Variants in RYR2 observed in about 807,000 individuals in gnomAD.
The protein encoded by RYR2 is cardiac muscle ryanodine receptor-calcium release channel.
RYR2 carries 227 observed loss-of-function variants against 601.1 expected under a neutral mutation model. The ratio of observed to expected loss-of-function variants is 0.38; its 90% CI spans 0.34 to 0.42. The LOEUF is 0.42. RYR2 is among the 10% of genes least tolerant of loss of function. The probability of loss-of-function intolerance (pLI) is 1.00; values close to 1 mark genes in which losing one functional copy is unlikely to be tolerated. For synonymous variants in RYR2, 2,223 were observed against 2,175.1 expected (o/e 1.02, Z -0.61); for missense variants, 4,646 against 6,156.5 (o/e 0.75, Z 8.21).
chr1:237,638,275 G>A, intron 44 of RYR2, 82 bp from the exon 45 acceptor site: 1 of 1,572,312 alleles, frequency 6.4e-7, no homozygotes. Context: ...ATCCTTTAAG[G>A]ATGTCATTTA....
intron 95 of RYR2, among the ~76,000 whole-genome samples, chr1:237,794,356 A>T (rs1313606400): frequency 6.6e-6 from 1 of 152,208 alleles, no homozygotes; most frequent in Admixed American, 6.5e-5. Flanking sequence ...TTAACGAAAA[A>T]GTTGTAGCAT....
At chr1:237,402,392 A>AG (rs1382980551) in intron 10 of RYR2, among the ~76,000 whole-genome samples, 10 of 149,384 alleles carry the variant, frequency 6.7e-5, no homozygotes, top group African/African-American at 2.2e-4. Context: ...ATCTCTTAAA[A>AG]AAAAAAGAAA....
chr1:237,408,654 C>T (rs1704145710), intron 10 of RYR2, among the ~76,000 whole-genome samples: 1 of 151,918 alleles, frequency 6.6e-6, no homozygotes, highest in Non-Finnish European at 1.5e-5. Context: ...ATTGTGTTGG[C>T]TCTTCTATGT....
At position 237,418,522 on chromosome 1, in the gene RYR2, A is replaced by G. The variant is rs536126962; in HGVS notation, c.848+1399A>G. 7.9e-5 allele frequency among the ~76,000 whole-genome samples: 12 copies of G among 152,292 alleles called. No homozygotes were observed. In the South Asian group the frequency reaches 2.5e-3, roughly 32 times the overall value. On this transcript the variant is annotated intron_variant, in intron 11 of 104. Transcript: ENST00000366574. ...AGAAATCCTTTCATTATCAGTTTAG[A>G]TGCATAGAATATAACTTCCAGTGTA...
intron 35 of RYR2, among the ~76,000 whole-genome samples, chr1:237,602,965 T>C (rs1169834959): frequency 6.6e-6 from 1 of 152,128 alleles, no homozygotes; most frequent in Non-Finnish European, 1.5e-5. Context: ...GAAGTCAGAA[T>C]GAAAAATGAT....
In RYR2 at chr1:237,648,613, G is replaced by A. The variant is rs1682411061; in HGVS notation, c.7512G>A (p.Thr2504=). 3 of 1,606,890 alleles carry A rather than the reference G, an allele frequency of 1.9e-6. No homozygotes were observed. The highest frequency in any genetic ancestry group is 1.7e-4 in the Middle Eastern group (1 of 6,050). Residue 2504 remains threonine, a splice_region_variant and synonymous_variant, in exon 49 of 105, where the codon ACG becomes ACA. Transcript: ENST00000366574. ...PDLRAAASLD[T]AALSATDMAL... Reference sequence around the variant, plus strand: ...TCCGGGCGGCTGCTTCTTTAGATACGGTGAGATTGGAGCGATGGACTTCCT... The same window carrying A: ...TCCGGGCGGCTGCTTCTTTAGATACAGTGAGATTGGAGCGATGGACTTCCT...
chr1:237,649,817 C>A, intron 49 of RYR2, 60 bp from the exon 50 acceptor site: 2 of 1,419,660 alleles, frequency 1.4e-6, no homozygotes, highest in East Asian at 2.3e-5. Context: ...CATGTTAATC[C>A]CTTTGAAGAT....
At chr1:237,052,180 G>A (rs1221404440) in intron 1 of RYR2, among the ~76,000 whole-genome samples, 1 of 152,146 alleles carries the variant, frequency 6.6e-6, no homozygotes, top group African/African-American at 2.4e-5. Flanking sequence ...TACCATGAAG[G>A]TGGAAGCCAT....
At chr1:237,480,821 T>A (rs546526151) in intron 17 of RYR2, among the ~76,000 whole-genome samples, 26 of 152,308 alleles carry the variant, frequency 1.7e-4, no homozygotes, top group African/African-American at 6.0e-4. Flanking sequence ...TCCCTCATTC[T>A]GTATATGGAT....
chr1:237,062,652 A>G (rs1380794994), intron 1 of RYR2, among the ~76,000 whole-genome samples: 2 of 152,134 alleles, frequency 1.3e-5, no homozygotes, highest in African/African-American at 4.8e-5. Context: ...CAGTCATGTC[A>G]TCTGTACATA....
intron 88 of RYR2, among the ~76,000 whole-genome samples, chr1:237,779,437 G>A (rs976996976): frequency 1.3e-5 from 2 of 152,184 alleles, no homozygotes; most frequent in Non-Finnish European, 2.9e-5. Flanking sequence ...GAATTTTGAT[G>A]GTATAATCTG....
intron 1 of RYR2, among the ~76,000 whole-genome samples, chr1:237,117,815 G>A (rs1289548988): frequency 2.6e-5 from 4 of 151,608 alleles, no homozygotes; most frequent in East Asian, 3.9e-4. Flanking sequence ...GCACAATCTC[G>A]GCTCACTGCA....
intron 33 of RYR2, 131 bp downstream of exon 33, chr1:237,593,767 G>A (rs1268622064): frequency 1.1e-6 from 1 of 938,308 alleles, no homozygotes; most frequent in Non-Finnish European, 1.6e-6. Context: ...AGCCATTAAT[G>A]TCAATGTCGT....
chr1:237,538,138 C>T (rs965075288), intron 25 of RYR2, among the ~76,000 whole-genome samples: 2 of 151,848 alleles, frequency 1.3e-5, no homozygotes, highest in Non-Finnish European at 2.9e-5. Context: ...GCCTGTAATC[C>T]CAGCACTTTG....
chr1:237,334,087 G>A (rs570542215), intron 3 of RYR2, among the ~76,000 whole-genome samples: 1 of 152,198 alleles, frequency 6.6e-6, no homozygotes, highest in South Asian at 2.1e-4. Flanking sequence ...AAACACACTT[G>A]ATGATAAGGA....
At chr1:237,729,112 A>G (rs1252936073) in intron 76 of RYR2, among the ~76,000 whole-genome samples, 1 of 152,058 alleles carries the variant, frequency 6.6e-6, no homozygotes, top group Non-Finnish European at 1.5e-5. Flanking sequence ...TCCTTGCCTC[A>G]TATCAAGTTG....
At position 237,764,739 on chromosome 1, in the gene RYR2, G is replaced by A. The variant is rs529876650; in HGVS notation, c.11476+3711G>A. Among the ~76,000 whole-genome samples the A allele has an allele frequency of 3.9e-5, 6 of 152,068 alleles. No homozygotes were observed. In the South Asian group the frequency reaches 1.0e-3, roughly 26 times the overall value. On this transcript the variant is annotated intron_variant, in intron 84 of 104. Transcript: ENST00000366574. ...TGGGATTACAGGCATGAGCCACCAC[G>A]CCTGGCTGCCCCTTGACTTATTGTT...
At chr1:237,562,569 AGG>A in intron 27 of RYR2, among the ~76,000 whole-genome samples, 1 of 152,104 alleles carries the variant, frequency 6.6e-6, no homozygotes, top group Non-Finnish European at 1.5e-5. Context: ...CTTAATCTTG[AGG>A]TAGTTCATTA....
intron 1 of RYR2, among the ~76,000 whole-genome samples, chr1:237,069,775 T>C (rs1254528389): frequency 1.3e-5 from 2 of 152,190 alleles, no homozygotes; most frequent in African/African-American, 4.8e-5. Flanking sequence ...CTTATTTTTA[T>C]TAGGCTATTT....
Sources: gnomAD v4.1 joint callset for allele counts (sites outside exome capture counted in the v4.1 genomes callset) on GRCh38, gnomAD v4.1.1 for gene constraint, MANE v1.5 for transcripts, NCBI Gene and HGNC (gene_info 2026-07-23, HGNC 2026-07-21) for gene names.